REC114: variants seen among roughly 807,000 people sequenced by gnomAD.
REC114 encodes REC114 meiotic recombination protein.
A neutral mutation model predicts 31.3 loss-of-function variants in REC114; 27 were observed. The observed-to-expected ratio is 0.86, with a 90% CI of 0.64 to 1.19. The LOEUF is 1.19. Among genes scored for constraint, REC114 ranks in the 50% most tolerant of loss-of-function variants. REC114 has a pLI of 0.00. For synonymous variants in REC114, 134 were observed against 127.7 expected, an observed-to-expected ratio of 1.05 and a Z score of -0.33; for missense variants, 344 against 326.9, an observed-to-expected ratio of 1.05 and a Z score of -0.40.
intron 2 of REC114, among the ~76,000 whole-genome samples, chr15:73,490,014 C>G (rs773864613): frequency 2.0e-5 from 3 of 152,176 alleles, no homozygotes; most frequent in Non-Finnish European, 4.4e-5. Flanking sequence ...CAGTGAATCT[C>G]AGGATAGCTT....
chr15:73,549,954 A>G (rs1411253431), intron 3 of REC114, among the ~76,000 whole-genome samples: 3 of 152,196 alleles, frequency 2.0e-5, no homozygotes, highest in Non-Finnish European at 4.4e-5. Flanking sequence ...TTATTTGCTT[A>G]TAGGAACTTA....
chr15:73,519,893 T>C (rs1893911370), intron 2 of REC114, among the ~76,000 whole-genome samples: 1 of 152,244 alleles, frequency 6.6e-6, no homozygotes, highest in Admixed American at 6.5e-5. Context: ...TACTGTATGA[T>C]TCCTCTTATA....
intron 1 of REC114, among the ~76,000 whole-genome samples, chr15:73,457,674 T>G (rs940162186): frequency 1.8e-4 from 27 of 152,188 alleles, no homozygotes; most frequent in Non-Finnish European, 2.1e-4. Flanking sequence ...TGTTGCTTCC[T>G]TTGATTTGTT....
intron 1 of REC114, among the ~76,000 whole-genome samples, chr15:73,447,839 G>A (rs913333281): frequency 6.6e-6 from 1 of 152,106 alleles, no homozygotes; most frequent in Non-Finnish European, 1.5e-5. Context: ...CAGGCCATGG[G>A]GGGTGAGCCG....
intron 1 of REC114, among the ~76,000 whole-genome samples, chr15:73,457,882 T>C (rs1262441135): frequency 1.3e-5 from 2 of 152,216 alleles, no homozygotes; most frequent in Non-Finnish European, 2.9e-5. Flanking sequence ...AGAGATTCTA[T>C]GGAACTGTGT....
intron 1 of REC114, among the ~76,000 whole-genome samples, chr15:73,448,855 G>A (rs1892803473): frequency 6.6e-6 from 1 of 152,184 alleles, no homozygotes; most frequent in South Asian, 2.1e-4. Flanking sequence ...GGCAAACAGG[G>A]TCTGGAGTGG....
rs561751212 is a variant in REC114, at chr15:73,518,662, G to T, written c.250-21823G>T. ...TCTGAATCACATGGGCTCTGAATAG[G>T]GGGAGGGGTGATCTCCCAAAGGAAA... On this transcript the variant is annotated intron_variant, in intron 2 of 5. Transcript: ENST00000331090. Among the ~76,000 whole-genome samples the T allele has an allele frequency of 3.9e-5, 6 of 152,332 alleles. No homozygotes were observed. In the South Asian group the frequency reaches 1.2e-3, roughly 32 times the overall value.
chr15:73,447,156 A>C (rs1472990552), intron 1 of REC114, among the ~76,000 whole-genome samples: 1 of 152,186 alleles, frequency 6.6e-6, no homozygotes, highest in African/African-American at 2.4e-5. Context: ...AGGAACAGTG[A>C]GGGAAAAATC....
intron 4 of REC114, 118 bp downstream of exon 4, chr15:73,551,268 T>A: frequency 9.7e-7 from 1 of 1,029,560 alleles, no homozygotes; most frequent in Non-Finnish European, 1.4e-6. Context: ...AAAACATCTA[T>A]GTTCGGTGAC....
At chr15:73,455,723 G>A (rs985859391) in intron 1 of REC114, among the ~76,000 whole-genome samples, 8 of 152,196 alleles carry the variant, frequency 5.3e-5, no homozygotes, top group African/African-American at 1.7e-4. Flanking sequence ...AACACAATTC[G>A]GAAGCAAATA....
intron 3 of REC114, among the ~76,000 whole-genome samples, chr15:73,544,581 C>T (rs1410719723): frequency 6.6e-6 from 1 of 152,136 alleles, no homozygotes; most frequent in Non-Finnish European, 1.5e-5. Context: ...CATATAATTC[C>T]TTATCTTAAG....
chr15:73,530,079 A>G (rs1259226107), intron 2 of REC114, among the ~76,000 whole-genome samples: 1 of 152,220 alleles, frequency 6.6e-6, no homozygotes, highest in East Asian at 1.9e-4. Flanking sequence ...ATCAGGAAAA[A>G]TATAACTCCA....
chr15:73,499,381 T>G (rs1449029402), intron 2 of REC114, among the ~76,000 whole-genome samples: 2 of 152,134 alleles, frequency 1.3e-5, no homozygotes, highest in African/African-American at 2.4e-5. Flanking sequence ...GAATCCAGTT[T>G]GATCACTTGC....
chr15:73,461,290 T>A (rs898639354), intron 1 of REC114, among the ~76,000 whole-genome samples: 2 of 152,170 alleles, frequency 1.3e-5, no homozygotes, highest in African/African-American at 4.8e-5. Context: ...TTTATGAGAC[T>A]CTTGCTACCA....
At chr15:73,536,665 A>C (rs1213060587) in intron 2 of REC114, among the ~76,000 whole-genome samples, 1 of 152,202 alleles carries the variant, frequency 6.6e-6, no homozygotes, top group Admixed American at 6.5e-5. Flanking sequence ...ATTGAAATTT[A>C]TGTATGGCAA....
At chr15:73,491,584 A>C (rs1893448032) in intron 2 of REC114, among the ~76,000 whole-genome samples, 1 of 152,110 alleles carries the variant, frequency 6.6e-6, no homozygotes, top group East Asian at 1.9e-4. Context: ...TTCAAAAGAA[A>C]CTTCTGTACA....
chr15:73,520,507 T>C (rs941104548), intron 2 of REC114, among the ~76,000 whole-genome samples: 6 of 152,152 alleles, frequency 3.9e-5, no homozygotes, highest in South Asian at 2.1e-4. Context: ...GGATTACAGG[T>C]GTGAGCCACT....
chr15:73,509,172 GA>G (rs1893726667), intron 2 of REC114, among the ~76,000 whole-genome samples: 1 of 152,162 alleles, frequency 6.6e-6, no homozygotes, highest in Non-Finnish European at 1.5e-5. Context: ...GAGTGGTTTT[GA>G]TTTGCGTTTC....
intron 2 of REC114, among the ~76,000 whole-genome samples, chr15:73,527,065 G>A (rs1325399009): frequency 6.6e-6 from 1 of 151,798 alleles, no homozygotes; most frequent in African/African-American, 2.4e-5. Context: ...TCCCATCTTG[G>A]GCTTCCAAAG....
Sources: allele counts gnomAD v4.1 joint callset (sites outside exome capture counted in the v4.1 genomes callset), GRCh38; gene constraint gnomAD v4.1.1; transcripts MANE v1.5; gene names NCBI Gene and HGNC (gene_info 2026-07-23, HGNC 2026-07-21).